Variants in APBA2 observed in about 807,000 individuals in gnomAD.
The protein encoded by APBA2 is amyloid beta precursor protein binding family A member 2.
A neutral mutation model predicts 75.0 loss-of-function variants in APBA2; 30 were observed. The ratio of observed to expected loss-of-function variants is 0.40; its 90% CI spans 0.30 to 0.54. The LOEUF (loss-of-function observed/expected upper bound fraction) is 0.54. Among genes scored for constraint, APBA2 ranks in the 20% least tolerant of loss-of-function variants. The pLI is 0.49. For synonymous variants in APBA2, 444 were observed against 409.6 expected (o/e 1.08, Z -1.01); for missense variants, 801 against 1,016.1 (o/e 0.79, Z 2.88).
At chr15:28,896,595 T>C (rs1028500454) in intron 1 of APBA2, among the ~76,000 whole-genome samples, 2 of 152,164 alleles carry the variant, frequency 1.3e-5, no homozygotes, top group Non-Finnish European at 2.9e-5. Flanking sequence ...TTTATTGTGA[T>C]GTAGAGAAAC....
At chr15:28,909,340 A>G (rs2033309792) in intron 1 of APBA2, among the ~76,000 whole-genome samples, 1 of 152,140 alleles carries the variant, frequency 6.6e-6, no homozygotes, top group Non-Finnish European at 1.5e-5. Flanking sequence ...CAGGTGCCGC[A>G]TGTGAGTGGA....
intron 3 of APBA2, among the ~76,000 whole-genome samples, chr15:29,017,788 G>C (rs762695310): frequency 3.9e-5 from 6 of 151,996 alleles, no homozygotes; most frequent in East Asian, 1.9e-4. Context: ...CTATTCTTTC[G>C]TCATTTCTTA....
At chr15:28,957,909 T>G (rs2036260248) in intron 2 of APBA2, among the ~76,000 whole-genome samples, 1 of 152,238 alleles carries the variant, frequency 6.6e-6, no homozygotes, top group Non-Finnish European at 1.5e-5. Context: ...ATGTGTGGCC[T>G]GTACTTCACC....
intron 6 of APBA2, among the ~76,000 whole-genome samples, chr15:29,092,627 A>G (rs533641035): frequency 2.8e-4 from 42 of 152,270 alleles, no homozygotes; most frequent in African/African-American, 1.0e-3. Flanking sequence ...CTGAGAGGCT[A>G]CAGACAGGCA....
intron 3 of APBA2, among the ~76,000 whole-genome samples, chr15:28,996,841 T>C (rs11073212): frequency 0.12 from 18,245 of 152,174 alleles, 1,548 homozygotes; most frequent in East Asian, 0.27. Flanking sequence ...CCCCCCTGCC[T>C]GACCAAGGCA....
chr15:28,960,148 CAAA>C (rs59345963), intron 2 of APBA2, among the ~76,000 whole-genome samples: 14 of 93,174 alleles, frequency 1.5e-4, no homozygotes, highest in African/African-American at 2.4e-4. Flanking sequence ...GACCTTGTTT[CAAA>C]AAAAAAAAAA....
intron 2 of APBA2, among the ~76,000 whole-genome samples, chr15:28,926,763 A>G (rs2034283061): frequency 6.7e-6 from 1 of 150,296 alleles, no homozygotes; most frequent in Admixed American, 6.6e-5. Context: ...TTTCTCCTTC[A>G]TTTTTGAAGG....
At chr15:29,044,390 G>A (rs76916572) in intron 3 of APBA2, 1 of 152,160 alleles carries the variant, frequency 6.6e-6, no homozygotes, top group African/African-American at 2.4e-5. Context: ...AATTAATTGA[G>A]TCTGGACATG....
intron 4 of APBA2, chr15:29,070,822 T>G: frequency 3.5e-6 from 1 of 289,464 alleles, no homozygotes; most frequent in South Asian, 3.1e-5. Context: ...AAGTCCCTGT[T>G]GAAATATCAG....
chr15:28,899,103 C>CG lies in APBA2; in HGVS notation c.-205+12831dup, dbSNP rs1351106574. 3.9e-5 allele frequency among the ~76,000 whole-genome samples: 6 copies of CG among 152,312 alleles called. No individual in the cohort carries two copies. The South Asian group carries it at 1.2e-3, about 32-fold the overall frequency. ...ACCAAAGAGCTTTAAGAAGAGCAGT[C>CG]GGGGGGAGATGTGGCGCATGGAGAA... On this transcript the variant is annotated intron_variant, in intron 1 of 14. Coordinates refer to ENST00000683413, the MANE Select transcript of APBA2 (RefSeq NM_001353788.2).
chr15:28,951,881 CTTTTTTTTTTTTTT>C (rs71414600), intron 2 of APBA2, among the ~76,000 whole-genome samples: 16 of 109,824 alleles, frequency 1.5e-4, no homozygotes, highest in Non-Finnish European at 2.2e-4. Context: ...TGCACTCAGC[CTTTTTTTTTTTTTT>C]TTTTTTTTTT....
At chr15:28,938,503 T>A (rs990220691) in intron 2 of APBA2, among the ~76,000 whole-genome samples, 1 of 152,148 alleles carries the variant, frequency 6.6e-6, no homozygotes, top group African/African-American at 2.4e-5. Flanking sequence ...TGGGGGTACG[T>A]GTGATATTTT....
At chr15:28,961,580 C>G (rs1184703487) in intron 2 of APBA2, 2 of 152,142 alleles carry the variant, frequency 1.3e-5, no homozygotes, top group African/African-American at 4.8e-5. Context: ...GACGGAGTGT[C>G]TTTGGTAAGG....
chr15:29,110,509 C>G (rs2044670272), intron 13 of APBA2, among the ~76,000 whole-genome samples: 1 of 152,226 alleles, frequency 6.6e-6, no homozygotes, highest in African/African-American at 2.4e-5. Flanking sequence ...CTTTCCCCAC[C>G]ATGGGGTGGC....
intron 3 of APBA2, among the ~76,000 whole-genome samples, chr15:29,013,926 C>G (rs1188150469): frequency 4.6e-5 from 7 of 152,228 alleles, no homozygotes; most frequent in Non-Finnish European, 1.0e-4. Context: ...CGTTACCTTT[C>G]TCAATCAAGC....
chr15:29,043,853 AATTT>A (rs1364322876), intron 3 of APBA2, among the ~76,000 whole-genome samples: 1 of 152,146 alleles, frequency 6.6e-6, no homozygotes, highest in African/African-American at 2.4e-5. Context: ...TTGGAAGATT[AATTT>A]ATTAGTGTCC....
chr15:28,974,350 GGGC>G (rs1229535464), intron 2 of APBA2, among the ~76,000 whole-genome samples: 1 of 152,170 alleles, frequency 6.6e-6, no homozygotes, highest in Non-Finnish European at 1.5e-5. Context: ...GAAACCACAG[GGGC>G]GGTGGGGAGA....
At chr15:28,917,523 G>T (rs1035192474) in intron 1 of APBA2, among the ~76,000 whole-genome samples, 4 of 151,876 alleles carry the variant, frequency 2.6e-5, no homozygotes, top group African/African-American at 9.7e-5. Context: ...TTTTTCAGCA[G>T]TTTTAGGTTT....
chr15:28,942,228 G>T (rs2035272973), intron 2 of APBA2, among the ~76,000 whole-genome samples: 1 of 152,216 alleles, frequency 6.6e-6, no homozygotes. Flanking sequence ...TCGTGGGAGT[G>T]CTGTCTCCCT....
Sources: gnomAD v4.1 joint callset for allele counts (sites outside exome capture counted in the v4.1 genomes callset) on GRCh38, gnomAD v4.1.1 for gene constraint, MANE v1.5 for transcripts, NCBI Gene and HGNC (gene_info 2026-07-23, HGNC 2026-07-21) for gene names.